Variants in GABBR2 observed in about 807,000 individuals in gnomAD.
The protein encoded by GABBR2 is G-protein coupled receptor 51.
In GABBR2, 23 loss-of-function variants were observed where a neutral mutation model predicts 105.6. That is an observed-to-expected ratio of 0.22 (90% CI 0.16 to 0.31). The LOEUF (loss-of-function observed/expected upper bound fraction) is 0.31. GABBR2 is among the 10% of genes least tolerant of loss of function. The pLI, the probability that GABBR2 is intolerant of heterozygous loss-of-function variation, is 1.00. For synonymous variants in GABBR2, 478 were observed against 499.7 expected, an observed-to-expected ratio of 0.96 and a Z score of 0.58; for missense variants, 734 against 1,245.5, an observed-to-expected ratio of 0.59 and a Z score of 6.18.
chr9:98,512,645 C>T, intron 3 of GABBR2, among the ~76,000 whole-genome samples: 1 of 152,084 alleles, frequency 6.6e-6, no homozygotes, highest in East Asian at 1.9e-4. Context: ...TGAGTGAATT[C>T]CCATTCACAA....
chr9:98,646,476 C>A (rs925843667), intron 1 of GABBR2, among the ~76,000 whole-genome samples: 1 of 152,150 alleles, frequency 6.6e-6, no homozygotes, highest in Non-Finnish European at 1.5e-5. Flanking sequence ...CCAGCCTATT[C>A]CCTTTGCGGA....
At chr9:98,442,681 T>A (rs1249788159) in intron 7 of GABBR2, among the ~76,000 whole-genome samples, 1 of 152,208 alleles carries the variant, frequency 6.6e-6, no homozygotes, top group Non-Finnish European at 1.5e-5. Flanking sequence ...ACAATGGGAA[T>A]TTGTTATCTC....
intron 3 of GABBR2, among the ~76,000 whole-genome samples, chr9:98,526,009 A>G (rs907880013): frequency 6.6e-6 from 1 of 152,228 alleles, no homozygotes; most frequent in African/African-American, 2.4e-5. Context: ...GGAGAAAATG[A>G]GTGGCTGCTA....
chr9:98,313,600 T>C (rs975657365), intron 13 of GABBR2, among the ~76,000 whole-genome samples: 1 of 152,210 alleles, frequency 6.6e-6, no homozygotes, highest in East Asian at 1.9e-4. Context: ...ACTTACTAAG[T>C]AAAGTTGAAG....
chr9:98,429,894 ACACTGG>A (rs1825767612), intron 7 of GABBR2, among the ~76,000 whole-genome samples: 1 of 152,346 alleles, frequency 6.6e-6, no homozygotes, highest in South Asian at 2.1e-4. Context: ...CATTCCAGCC[ACACTGG>A]CTTCCTTGTC....
In GABBR2 at chr9:98,685,177, G is replaced by C. The variant is rs1445015271; in HGVS notation, c.321+23240C>G. On this transcript the variant is annotated intron_variant, in intron 1 of 18. Transcript: ENST00000259455. ...GTCTTCTGGCCTCCATCTGTCTCCC[G>C]TGCCGGATGATTCCTGCCCTAGAAC... Among the ~76,000 whole-genome samples, 3 of 152,322 alleles carry C rather than the reference G, an allele frequency of 2.0e-5. No homozygotes were observed. The East Asian group carries it at 5.8e-4, about 29-fold the overall frequency.
At chr9:98,568,278 C>T (rs1277037251) in intron 2 of GABBR2, among the ~76,000 whole-genome samples, 1 of 151,830 alleles carries the variant, frequency 6.6e-6, no homozygotes, top group Non-Finnish European at 1.5e-5. Flanking sequence ...GACATGTCCA[C>T]TGTCTTTAGG....
chr9:98,509,195 T>G (rs1469872498), intron 3 of GABBR2, among the ~76,000 whole-genome samples: 1 of 152,158 alleles, frequency 6.6e-6, no homozygotes, highest in Non-Finnish European at 1.5e-5. Context: ...CCAACAGACC[T>G]GCAGCTGAGG....
At chr9:98,460,799 C>T (rs1300664964) in intron 6 of GABBR2, among the ~76,000 whole-genome samples, 1 of 152,140 alleles carries the variant, frequency 6.6e-6, no homozygotes, top group African/African-American at 2.4e-5. Context: ...TCCTATGGAG[C>T]TCTATGAACT....
intron 2 of GABBR2, chr9:98,552,123 C>G (rs1378000456): frequency 6.6e-6 from 1 of 152,180 alleles, no homozygotes; most frequent in Non-Finnish European, 1.5e-5. Flanking sequence ...CGAATTCTTG[C>G]CTAAATGCAA....
At chr9:98,650,560 G>T (rs1473294385) in intron 1 of GABBR2, among the ~76,000 whole-genome samples, 1 of 151,072 alleles carries the variant, frequency 6.6e-6, no homozygotes. Context: ...AATTCCAACG[G>T]AAAAAAAAGA....
At chr9:98,525,110 C>T (rs1827932601) in intron 3 of GABBR2, among the ~76,000 whole-genome samples, 1 of 152,094 alleles carries the variant, frequency 6.6e-6, no homozygotes, top group Non-Finnish European at 1.5e-5. Context: ...AGACAATGGT[C>T]TCTTAAATAT....
chr9:98,459,429 G>GCTAGT (rs1826385441), intron 6 of GABBR2, among the ~76,000 whole-genome samples: 1 of 152,130 alleles, frequency 6.6e-6, no homozygotes, highest in Non-Finnish European at 1.5e-5. Flanking sequence ...AAGTAAGAAG[G>GCTAGT]CTAGTCACAG....
Position 98,407,953 on chromosome 9 carries a change from G to A in GABBR2, c.1237-1812C>T, listed in dbSNP as rs529655837. On this transcript the variant is annotated intron_variant, in intron 7 of 18. Transcript: ENST00000259455. ...TGATTTCTCCTTAATTTCTCAGGTG[G>A]TACAGTGGAAGTAGGCCAGCGTGTC... 4.6e-5 allele frequency among the ~76,000 whole-genome samples: 7 copies of A among 152,238 alleles called. No homozygotes were observed. In the South Asian group the frequency reaches 1.5e-3, roughly 32 times the overall value.
chr9:98,507,684 A>G (rs1456216210), intron 3 of GABBR2, among the ~76,000 whole-genome samples: 1 of 152,202 alleles, frequency 6.6e-6, no homozygotes, highest in Non-Finnish European at 1.5e-5. Flanking sequence ...TGCTGTTTGA[A>G]GCCTTCCCTT....
At chr9:98,448,730 T>A (rs902572824) in intron 7 of GABBR2, among the ~76,000 whole-genome samples, 1 of 152,162 alleles carries the variant, frequency 6.6e-6, no homozygotes, top group African/African-American at 2.4e-5. Context: ...TTCTGTAAAT[T>A]TAGCCTGTCA....
intron 3 of GABBR2, among the ~76,000 whole-genome samples, chr9:98,513,552 T>A (rs201149025): frequency 0.46 from 69,670 of 151,016 alleles, 16,565 homozygotes; most frequent in East Asian, 0.67. Flanking sequence ...ACTCAAACAA[T>A]TTTACAAAAA....
chr9:98,367,188 T>G (rs996844611), intron 12 of GABBR2, among the ~76,000 whole-genome samples: 1 of 148,514 alleles, frequency 6.7e-6, no homozygotes, highest in African/African-American at 2.5e-5. Flanking sequence ...CCATCATGGA[T>G]GAGGGAGGAG....
At chr9:98,591,168 G>C (rs1829140427) in intron 1 of GABBR2, among the ~76,000 whole-genome samples, 1 of 152,196 alleles carries the variant, frequency 6.6e-6, no homozygotes, top group Non-Finnish European at 1.5e-5. Flanking sequence ...AGACTTCTTG[G>C]AGGAGGCGGC....
Sources: gnomAD v4.1 joint callset for allele counts (sites outside exome capture counted in the v4.1 genomes callset) on GRCh38, gnomAD v4.1.1 for gene constraint, MANE v1.5 for transcripts, NCBI Gene and HGNC (gene_info 2026-07-23, HGNC 2026-07-21) for gene names.